The following ANKRD30B variants were observed in gnomAD, a reference collection of about 807,000 sequenced individuals.
ANKRD30B encodes ankyrin repeat domain-containing protein 30B.
A neutral mutation model predicts 202.2 loss-of-function variants in ANKRD30B; 144 were observed. The ratio of observed to expected loss-of-function variants is 0.71; its 90% CI spans 0.62 to 0.82. The LOEUF (loss-of-function observed/expected upper bound fraction) is 0.82, where lower values mean the gene tolerates loss of function less well. ANKRD30B is among the 40% of genes least tolerant of loss of function. The pLI, the probability that ANKRD30B is intolerant of heterozygous loss-of-function variation, is 0.00. For synonymous variants in ANKRD30B, 508 were observed against 561.3 expected (o/e 0.91, Z 1.34); for missense variants, 1,487 against 1,669.1 (o/e 0.89, Z 1.90).
At chr18:14,867,043 G>A in the ANKRD30B span, among the ~76,000 whole-genome samples, 2 of 149,324 alleles carry the variant, frequency 1.3e-5, no homozygotes, top group South Asian at 2.2e-4. Flanking sequence ...AGGTGGGGTC[G>A]GGGGGTTGGT....
chr18:14,810,005 T>G lies in ANKRD30B; in HGVS notation c.2406T>G (p.Gly802=). The G allele has an allele frequency of 7.0e-7, 1 of 1,429,212 alleles. No individual in the cohort carries two copies. The highest frequency in any genetic ancestry group is 9.8e-7 in the Non-Finnish European group (1 of 1,022,618). 88.5% of individuals were successfully genotyped at this position (1,429,212 alleles called of 1,614,324 possible). A position where few individuals can be genotyped will look rare whatever the true frequency, so the allele number is the denominator to read the frequency against. Residue 802 remains glycine (G), a synonymous_variant, in exon 27 of 44, where the codon GGT becomes GGG. Transcript: ENST00000690538. The part of the protein sequence containing the change: ...TLKAESPDKD[G]LLKPTCVRKV... ...TTTTAGAGTCTCCTGATAAAGATGG[T>G]CTTCTGAAGGTAATAACTTTTATAT...
the ANKRD30B span, among the ~76,000 whole-genome samples, chr18:14,938,472 GCATC>G: frequency 1.3e-5 from 2 of 151,976 alleles, no homozygotes; most frequent in African/African-American, 4.8e-5. Context: ...TCCTCTTCAG[GCATC>G]TTGGCTGGCC....
chr18:14,783,925 A>G (rs1967913192), intron 12 of ANKRD30B, among the ~76,000 whole-genome samples: 1 of 152,120 alleles, frequency 6.6e-6, no homozygotes. Context: ...TCAATTCTAC[A>G]TTCAGCTGAA....
chr18:14,820,894 G>T (rs1358918119), intron 30 of ANKRD30B, among the ~76,000 whole-genome samples: 1 of 152,170 alleles, frequency 6.6e-6, no homozygotes, highest in Non-Finnish European at 1.5e-5. Context: ...AGTTAGGGAG[G>T]ATTCCCTCTT....
At position 14,828,635 on chromosome 18, in the gene ANKRD30B, G is replaced by A. The variant is rs116577318; in HGVS notation, c.2774+327G>A. 7.6e-3 allele frequency among the ~76,000 whole-genome samples: 1,158 copies of A among 152,302 alleles called. 17 individuals carry two copies. Among genetic ancestry groups the A allele is most frequent in the African/African-American group, 0.027 (1,105 of 41,578 alleles). On this transcript the variant is annotated intron_variant, in intron 33 of 43. Transcript: ENST00000690538. ...CCTTGGCATAGATTGATGGAGACCTGTGGATCACTAGGATCAAGGTACAGG... is the reference window on the plus strand; with the variant it reads ...CCTTGGCATAGATTGATGGAGACCTATGGATCACTAGGATCAAGGTACAGG...
chr18:14,935,913 C>A, the ANKRD30B span, among the ~76,000 whole-genome samples: 1 of 152,250 alleles, frequency 6.6e-6, no homozygotes, highest in African/African-American at 2.4e-5. Context: ...TCTGTACACA[C>A]AGCTCCTTTC....
At chr18:14,895,381 C>A in the ANKRD30B span, among the ~76,000 whole-genome samples, 1 of 152,336 alleles carries the variant, frequency 6.6e-6, no homozygotes, top group South Asian at 2.1e-4. Flanking sequence ...ACTGACAGTG[C>A]TGTACGCTGG....
the ANKRD30B span, among the ~76,000 whole-genome samples, chr18:14,925,826 A>G: frequency 6.6e-6 from 1 of 152,274 alleles, no homozygotes; most frequent in African/African-American, 2.4e-5. Context: ...GGAGAGATTG[A>G]AGAGGAGCCT....
intron 11 of ANKRD30B, among the ~76,000 whole-genome samples, chr18:14,781,575 A>G (rs1339234458): frequency 6.6e-6 from 1 of 152,252 alleles, no homozygotes; most frequent in African/African-American, 2.4e-5. Context: ...TTCTATAATC[A>G]TGAATATTTT....
the ANKRD30B span, among the ~76,000 whole-genome samples, chr18:14,924,442 C>T: frequency 1.8e-4 from 28 of 152,312 alleles, no homozygotes; most frequent in South Asian, 1.0e-3. Flanking sequence ...CAAATAAGCA[C>T]GTGCTCCATG....
intron 36 of ANKRD30B, among the ~76,000 whole-genome samples, chr18:14,838,590 T>A (rs561291122): frequency 6.6e-6 from 1 of 152,318 alleles, no homozygotes; most frequent in African/African-American, 2.4e-5. Flanking sequence ...TATCAAATAA[T>A]AATGATGTAT....
At chr18:14,834,215 G>C (rs962919131) in intron 34 of ANKRD30B, among the ~76,000 whole-genome samples, 2 of 151,918 alleles carry the variant, frequency 1.3e-5, no homozygotes, top group African/African-American at 4.8e-5. Flanking sequence ...ATTGTGAAGA[G>C]ATATTTCAAA....
the ANKRD30B span, among the ~76,000 whole-genome samples, chr18:14,873,304 T>A: frequency 6.6e-6 from 1 of 152,016 alleles, no homozygotes; most frequent in African/African-American, 2.4e-5. Flanking sequence ...GGTGGGTGGA[T>A]CACGAGGTCA....
chr18:14,748,339 A>G lies in ANKRD30B; in HGVS notation c.-81A>G. The G allele has an allele frequency of 8.2e-7, 1 of 1,224,804 alleles. No homozygotes were observed. 75.9% of individuals were successfully genotyped at this position (1,224,804 alleles called of 1,614,324 possible). A position where few individuals can be genotyped will look rare whatever the true frequency, so the allele number is the denominator to read the frequency against. ...CGGGGGCGGGTGCTGGGGAAGGGTA[A>G]GCGGGAAGCGAGGGCGAGGGGTAGG... On this transcript the variant is annotated 5_prime_UTR_variant, in exon 1 of 44. Coordinates refer to ENST00000690538, the MANE Select transcript of ANKRD30B (RefSeq NM_001367607.2).
At chr18:14,820,653 G>C (rs1324744206) in intron 30 of ANKRD30B, among the ~76,000 whole-genome samples, 1 of 152,102 alleles carries the variant, frequency 6.6e-6, no homozygotes, top group Non-Finnish European at 1.5e-5. Flanking sequence ...CTGTTTATAT[G>C]CTGGATTACA....
At chr18:14,816,741 A>C (rs913339594) in intron 30 of ANKRD30B, 1 of 152,198 alleles carries the variant, frequency 6.6e-6, no homozygotes, top group Admixed American at 6.5e-5. Flanking sequence ...GACTGGATTA[A>C]GAAAGTATGG....
the ANKRD30B span, among the ~76,000 whole-genome samples, chr18:14,937,462 G>A: frequency 7.0e-5 from 3 of 42,882 alleles, no homozygotes; most frequent in Non-Finnish European, 1.6e-4. Flanking sequence ...GCTGCATACA[G>A]GCCACGTCCT....
the ANKRD30B span, among the ~76,000 whole-genome samples, chr18:14,921,760 G>A: frequency 1.3e-5 from 2 of 152,124 alleles, no homozygotes; most frequent in East Asian, 1.9e-4. Context: ...GATGGGCAGG[G>A]TGTCTAGAAT....
intron 1 of ANKRD30B, among the ~76,000 whole-genome samples, chr18:14,750,803 G>A (rs1356625107): frequency 1.3e-5 from 2 of 152,054 alleles, no homozygotes; most frequent in Non-Finnish European, 2.9e-5. Context: ...CCAAGTGAGG[G>A]TAAAATTCAG....
Sources: gnomAD v4.1 joint callset for allele counts (sites outside exome capture counted in the v4.1 genomes callset) on GRCh38, gnomAD v4.1.1 for gene constraint, MANE v1.5 for transcripts, NCBI Gene and HGNC (gene_info 2026-07-23, HGNC 2026-07-21) for gene names.